Variants in STXBP4 observed in about 807,000 individuals in gnomAD.
STXBP4 encodes the protein syntaxin-binding protein 4.
STXBP4 carries 55 observed loss-of-function variants against 76.1 expected under a neutral mutation model. The observed-to-expected ratio is 0.72, with a 90% CI of 0.58 to 0.91. The LOEUF (loss-of-function observed/expected upper bound fraction) is 0.91, where lower values mean the gene tolerates loss of function less well. Among genes scored for constraint, STXBP4 ranks in the 40% least tolerant of loss-of-function variants. STXBP4 has a pLI of 0.00. For synonymous variants in STXBP4, 201 were observed against 220.2 expected, an observed-to-expected ratio of 0.91 and a Z score of 0.77; for missense variants, 618 against 636.9, an observed-to-expected ratio of 0.97 and a Z score of 0.32.
intron 8 of STXBP4, among the ~76,000 whole-genome samples, chr17:55,008,701 A>C (rs1267079252): frequency 2.6e-5 from 4 of 152,160 alleles, no homozygotes; most frequent in African/African-American, 4.8e-5. Context: ...TCAGATTCTT[A>C]ACATCTCTGT....
At chr17:55,211,815 T>TG in the STXBP4 span, among the ~76,000 whole-genome samples, 1 of 132,624 alleles carries the variant, frequency 7.5e-6, no homozygotes. Flanking sequence ...TTTTTTTTTT[T>TG]TTTTTTTTTT....
chr17:55,031,691 T>C (rs1460995856), intron 9 of STXBP4, among the ~76,000 whole-genome samples: 2 of 152,248 alleles, frequency 1.3e-5, no homozygotes, highest in Admixed American at 6.5e-5. Context: ...GGAGGGGAAT[T>C]GTTTCCCGGA....
At chr17:55,105,545 G>A (rs2079623586) in intron 16 of STXBP4, among the ~76,000 whole-genome samples, 1 of 148,354 alleles carries the variant, frequency 6.7e-6, no homozygotes, top group Non-Finnish European at 1.5e-5. Flanking sequence ...TCAGCTCACT[G>A]CAAGCTCTGC....
At chr17:54,980,391 A>G (rs1305026277) in intron 1 of STXBP4, among the ~76,000 whole-genome samples, 1 of 152,246 alleles carries the variant, frequency 6.6e-6, no homozygotes, top group African/African-American at 2.4e-5. Context: ...CAAGTCGTCC[A>G]GGTTCTTGGC....
At chr17:55,211,800 T>G in the STXBP4 span, among the ~76,000 whole-genome samples, 1 of 33,264 alleles carries the variant, frequency 3.0e-5, no homozygotes, top group Non-Finnish European at 5.6e-5. Context: ...TTTTTTGTTG[T>G]TTTTTTTTTT....
the STXBP4 span, among the ~76,000 whole-genome samples, chr17:55,203,362 C>T: frequency 1.4e-3 from 216 of 152,240 alleles, 2 homozygotes; most frequent in South Asian, 2.9e-3. Flanking sequence ...TTATGAAGAG[C>T]TCCTCATGGA....
intron 13 of STXBP4, among the ~76,000 whole-genome samples, chr17:55,076,609 A>T (rs1254115796): frequency 6.6e-6 from 1 of 152,140 alleles, no homozygotes; most frequent in Non-Finnish European, 1.5e-5. Flanking sequence ...CAGCAGTTTG[A>T]CTATGATGAA....
intron 1 of STXBP4, among the ~76,000 whole-genome samples, chr17:54,980,439 G>A (rs913474959): frequency 3.3e-4 from 51 of 152,286 alleles, no homozygotes; most frequent in African/African-American, 1.2e-3. Context: ...CACAAACAAA[G>A]CAAGGAAAGA....
chr17:55,046,390 A>G (rs2078788838), intron 11 of STXBP4, among the ~76,000 whole-genome samples: 1 of 151,968 alleles, frequency 6.6e-6, no homozygotes, highest in South Asian at 2.1e-4. Context: ...ATGAATCTTT[A>G]CCACTCAATT....
intron 16 of STXBP4, among the ~76,000 whole-genome samples, chr17:55,131,389 A>G (rs999015475): frequency 1.3e-5 from 2 of 152,228 alleles, no homozygotes; most frequent in South Asian, 2.1e-4. Flanking sequence ...ATGACATCCC[A>G]TAGGGATATT....
chr17:55,125,479 CAAAAAAAAAA>C (rs10632680), intron 16 of STXBP4, among the ~76,000 whole-genome samples: 3 of 91,766 alleles, frequency 3.3e-5, no homozygotes, highest in East Asian at 6.3e-4. Flanking sequence ...GGACAAAATA[CAAAAAAAAAA>C]AAAAAAAAAA....
downstream of STXBP4, among the ~76,000 whole-genome samples, chr17:55,178,516 T>C (rs2080438908): frequency 6.6e-6 from 1 of 152,232 alleles, no homozygotes; most frequent in Admixed American, 6.5e-5. Flanking sequence ...AGCACTTAAG[T>C]ACAGTGCCTG....
chr17:54,970,039 A>G (rs1247544698), intron 1 of STXBP4, among the ~76,000 whole-genome samples: 1 of 152,216 alleles, frequency 6.6e-6, no homozygotes, highest in Non-Finnish European at 1.5e-5. Context: ...ATAAGGAGCT[A>G]CCTACTCAAT....
intron 4 of STXBP4, among the ~76,000 whole-genome samples, chr17:54,993,068 C>A (rs2144424880): frequency 6.6e-6 from 1 of 152,230 alleles, no homozygotes; most frequent in South Asian, 2.1e-4. Context: ...ACGATGAAAA[C>A]TATTTGGAGT....
chr17:55,092,789 G>C (rs1482982396), intron 16 of STXBP4, among the ~76,000 whole-genome samples: 1 of 152,086 alleles, frequency 6.6e-6, no homozygotes. Context: ...ACATTTTAAA[G>C]GCCTTGATGG....
At chr17:54,976,970 A>T (rs1014744311) in intron 1 of STXBP4, among the ~76,000 whole-genome samples, 1 of 151,710 alleles carries the variant, frequency 6.6e-6, no homozygotes, top group African/African-American at 2.4e-5. Flanking sequence ...ACATACTTAC[A>T]TTTTTTCCCT....
At position 55,170,655 on chromosome 17, in the gene STXBP4, A is replaced by G. The variant is rs2080401316; in HGVS notation, c.*10744A>G. On this transcript the variant is annotated 3_prime_UTR_variant, in exon 18 of 18. Coordinates refer to ENST00000376352, the MANE Select transcript of STXBP4 (RefSeq NM_178509.6). The stretch of plus-strand genomic sequence containing the variant: ...TATGTATAATCCTGTGAAAATTTGT[A>G]GTGTTGTAGGGACTGGAAAGATCAG... 6.6e-6 allele frequency: 1 copy of G among 152,158 alleles called. No homozygotes were observed. The highest frequency in any genetic ancestry group is 1.5e-5 in the Non-Finnish European group (1 of 68,016). The allele number at this position is 152,158 out of a possible 1,614,324, so 9.4% of individuals were successfully genotyped here. A position where few individuals can be genotyped will look rare whatever the true frequency, so the allele number is the denominator to read the frequency against.
At chr17:55,006,708 C>A (rs193121906) in intron 7 of STXBP4, among the ~76,000 whole-genome samples, 17 of 152,208 alleles carry the variant, frequency 1.1e-4, no homozygotes, top group Non-Finnish European at 1.9e-4. Context: ...GAAATGTAAC[C>A]TGTCTTTAAA....
At chr17:55,181,764 G>A in the STXBP4 span, among the ~76,000 whole-genome samples, 1 of 152,204 alleles carries the variant, frequency 6.6e-6, no homozygotes, top group South Asian at 2.1e-4. Flanking sequence ...AAACATTTGA[G>A]CCTATTTACC....
Sources: allele counts gnomAD v4.1 joint callset (sites outside exome capture counted in the v4.1 genomes callset), GRCh38; gene constraint gnomAD v4.1.1; transcripts MANE v1.5; gene names NCBI Gene and HGNC (gene_info 2026-07-23, HGNC 2026-07-21).